OCA2: variants seen among roughly 807,000 people sequenced by gnomAD.
OCA2 encodes the protein P protein.
Under a neutral mutation model 100.2 loss-of-function variants are expected in OCA2, and 77 were observed. That is an observed-to-expected ratio of 0.77 (90% CI 0.64 to 0.93). The LOEUF (loss-of-function observed/expected upper bound fraction) is 0.93. Ranked by LOEUF, OCA2 falls within the 40% of genes least tolerant of loss-of-function variation. The probability of loss-of-function intolerance (pLI) is 0.00; values close to 1 mark genes in which losing one functional copy is unlikely to be tolerated. For missense variants in OCA2, 1,062 were observed against 1,089.1 expected, an observed-to-expected ratio of 0.98 and a Z score of 0.35; for synonymous variants, 432 against 439.2, an observed-to-expected ratio of 0.98 and a Z score of 0.21.
At chr15:27,891,503 C>T (rs2037460752) in intron 19 of OCA2, among the ~76,000 whole-genome samples, 1 of 152,114 alleles carries the variant, frequency 6.6e-6, no homozygotes, top group African/African-American at 2.4e-5. Context: ...TGTTCAGGTC[C>T]CTTATTTAAA....
At chr15:27,910,414 G>A (rs1371966249) in intron 19 of OCA2, among the ~76,000 whole-genome samples, 7 of 152,088 alleles carry the variant, frequency 4.6e-5, no homozygotes, top group Admixed American at 2.0e-4. Context: ...CAAAAGACTG[G>A]AGACAACCTA....
intron 9 of OCA2, among the ~76,000 whole-genome samples, chr15:28,007,922 T>C (rs1480591197): frequency 9.2e-5 from 14 of 152,236 alleles, no homozygotes; most frequent in Non-Finnish European, 1.8e-4. Context: ...CAGTCACTCA[T>C]GGATCACTGG....
intron 23 of OCA2, 123 bp downstream of exon 23, chr15:27,844,836 C>T: frequency 1.3e-6 from 1 of 767,962 alleles, no homozygotes; most frequent in Non-Finnish European, 2.3e-6. Context: ...ATCTCCCCTA[C>T]ACCACAGTCT....
chr15:28,094,858 C>G (rs2044942017), intron 1 of OCA2, among the ~76,000 whole-genome samples: 1 of 152,200 alleles, frequency 6.6e-6, no homozygotes, highest in African/African-American at 2.4e-5. Context: ...GCAGCCGTGC[C>G]CAGGGCGGAG....
At chr15:27,734,732 C>T in the OCA2 span, among the ~76,000 whole-genome samples, 1 of 152,246 alleles carries the variant, frequency 6.6e-6, no homozygotes, top group East Asian at 1.9e-4. Flanking sequence ...TGTCTCCTGG[C>T]ACCACACTGG....
chr15:27,728,644 T>C, the OCA2 span, among the ~76,000 whole-genome samples: 18 of 152,310 alleles, frequency 1.2e-4, no homozygotes, highest in African/African-American at 4.3e-4. Flanking sequence ...CATCTCTACT[T>C]TTCCTTTGCG....
Position 27,966,800 on chromosome 15 carries a change from G to A in OCA2, c.1526C>T (p.Thr509Ile). Residue 509 changes from threonine to isoleucine, a missense_variant, in exon 15 of 24, where the codon ACT becomes ATT. Physicochemically the swap from Thr to Ile is moderately conservative, Grantham distance 89 (BLOSUM62 -1). Transcript: ENST00000354638. Reference protein sequence around the residue: ...RKMGLDFAGFTAHMFIGICLV... With the variant: ...RKMGLDFAGFIAHMFIGICLV... Reference sequence around the variant, plus strand: ...GCAAATCCCAATGAACATGTGTGCAGTGAATCCGGCAAAGTCCAGGCCCTG... The same window carrying A: ...GCAAATCCCAATGAACATGTGTGCAATGAATCCGGCAAAGTCCAGGCCCTG... 1 of 1,612,546 alleles carries A rather than the reference G, an allele frequency of 6.2e-7. No individual in the cohort carries two copies.
intron 19 of OCA2, among the ~76,000 whole-genome samples, chr15:27,916,545 CCTT>C (rs1411505870): frequency 1.3e-5 from 2 of 152,162 alleles, no homozygotes; most frequent in African/African-American, 2.4e-5. Flanking sequence ...AAATAACACT[CCTT>C]AACACAGGTT....
At chr15:28,030,282 G>C (rs2042874730) in intron 3 of OCA2, among the ~76,000 whole-genome samples, 1 of 152,044 alleles carries the variant, frequency 6.6e-6, no homozygotes, top group Non-Finnish European at 1.5e-5. Flanking sequence ...GGGACAGGCT[G>C]GCCAACATAA....
chr15:27,869,028 G>A (rs1567040366), intron 21 of OCA2, among the ~76,000 whole-genome samples: 1 of 152,220 alleles, frequency 6.6e-6, no homozygotes, highest in Admixed American at 6.5e-5. Flanking sequence ...CCCAAGGATT[G>A]TGACCATCGC....
At chr15:28,045,458 T>C (rs2043321033) in intron 2 of OCA2, among the ~76,000 whole-genome samples, 1 of 152,212 alleles carries the variant, frequency 6.6e-6, no homozygotes, top group African/African-American at 2.4e-5. Flanking sequence ...TTCATTTTGA[T>C]TATTTTTATT....
chr15:27,876,885 A>T (rs748071694), intron 19 of OCA2, among the ~76,000 whole-genome samples: 3 of 150,674 alleles, frequency 2.0e-5, no homozygotes, highest in Non-Finnish European at 3.0e-5. Flanking sequence ...TCTGTTTCCT[A>T]CTTTGTTGAT....
At position 27,844,979 on chromosome 15, in the gene OCA2, G is replaced by A. The variant is rs747340554; in HGVS notation, c.2412C>T (p.Phe804=). The change falls in exon 23 of 24, where the codon TTC becomes TTT. Residue 804 remains phenylalanine, a synonymous_variant. Transcript: ENST00000354638. ...AGIAEQHGYG[F]SFMEFFRLGF... is the part of the protein sequence containing the mutation. ...AGTACCTGAAAAATTCCATGAAGGAGAACCCATATCCATGCTGTTCTGCAA... is the reference window on the plus strand; with the variant it reads ...AGTACCTGAAAAATTCCATGAAGGAAAACCCATATCCATGCTGTTCTGCAA... 8 of 1,613,344 alleles carry A rather than the reference G, an allele frequency of 5.0e-6. No individual in the cohort carries two copies. In the South Asian group the frequency reaches 7.7e-5, roughly 16 times the overall value.
chr15:27,828,169 AC>A (rs1330017799), intron 23 of OCA2, among the ~76,000 whole-genome samples: 3 of 151,744 alleles, frequency 2.0e-5, no homozygotes, highest in Non-Finnish European at 4.4e-5. Context: ...CCGAACCCCT[AC>A]CCCCTGCCAG....
chr15:28,028,018 G>A lies in OCA2; in HGVS notation c.368C>T (p.Ala123Val), dbSNP rs370230176. 2 of 1,614,230 alleles carry A rather than the reference G, an allele frequency of 1.2e-6. No homozygotes were observed. The highest frequency in any genetic ancestry group is 1.7e-6 in the Non-Finnish European group (2 of 1,180,042). ...AGAGCTGTCTTCCCAAGACTCTTCA[G>A]CAGTGATGAACTCTGGATGGTAAAC... is the stretch of plus-strand genomic sequence containing the variant. The part of the protein sequence containing the change: ...IPVYHPEFIT[A>V]EESWEDSSAD... The change falls in exon 4 of 24, where the codon GCT becomes GTT. Residue 123 changes from alanine to valine, a missense_variant. Coordinates refer to ENST00000354638, the MANE Select transcript of OCA2 (RefSeq NM_000275.3).
intron 19 of OCA2, among the ~76,000 whole-genome samples, chr15:27,891,906 T>C (rs1389568377): frequency 6.6e-6 from 1 of 152,008 alleles, no homozygotes; most frequent in Admixed American, 6.6e-5. Context: ...AAAAAAAATC[T>C]AAGCAAGAGA....
chr15:27,805,066 A>G (rs774297177), intron 23 of OCA2, among the ~76,000 whole-genome samples: 3 of 152,014 alleles, frequency 2.0e-5, no homozygotes, highest in Non-Finnish European at 4.4e-5. Context: ...CCTGCAAGGG[A>G]GGCCCTGCCC....
intron 19 of OCA2, among the ~76,000 whole-genome samples, chr15:27,916,935 T>C (rs2038686518): frequency 6.6e-6 from 1 of 152,028 alleles, no homozygotes; most frequent in Non-Finnish European, 1.5e-5. Flanking sequence ...CAGGAAGCCC[T>C]CAAAATGTGG....
At chr15:27,903,244 C>T (rs538918154) in intron 19 of OCA2, among the ~76,000 whole-genome samples, 1 of 152,298 alleles carries the variant, frequency 6.6e-6, no homozygotes, top group Admixed American at 6.5e-5. Context: ...CTGTCCTCAC[C>T]CAGCTGTGTG....
Sources: gnomAD v4.1 joint callset for allele counts (sites outside exome capture counted in the v4.1 genomes callset) on GRCh38, gnomAD v4.1.1 for gene constraint, MANE v1.5 for transcripts, NCBI Gene and HGNC (gene_info 2026-07-23, HGNC 2026-07-21) for gene names.